Variants in GALK2 observed in about 807,000 individuals in gnomAD.
The protein encoded by GALK2 is N-acetylgalactosamine kinase.
A neutral mutation model predicts 52.4 loss-of-function variants in GALK2; 36 were observed. That is an observed-to-expected ratio of 0.69 (90% CI 0.53 to 0.91). GALK2 has a LOEUF of 0.91. Ranked by LOEUF, GALK2 falls within the 40% of genes least tolerant of loss-of-function variation. The pLI, the probability that GALK2 is intolerant of heterozygous loss-of-function variation, is 0.00. For synonymous variants in GALK2, 176 were observed against 199.1 expected (o/e 0.88, Z 0.98); for missense variants, 579 against 559.1 (o/e 1.04, Z -0.36).
intron 5 of GALK2, among the ~76,000 whole-genome samples, chr15:49,273,011 C>A (rs1309556471): frequency 6.6e-6 from 1 of 152,174 alleles, no homozygotes; most frequent in Non-Finnish European, 1.5e-5. Context: ...TTTAGAGCCC[C>A]ATGTCCCAAC....
At chr15:49,239,110 A>G in intron 4 of GALK2, 111 bp from the exon 5 acceptor site, 1 of 827,656 alleles carries the variant, frequency 1.2e-6, no homozygotes, top group Non-Finnish European at 1.9e-6. Context: ...AGTTTCTATA[A>G]CTATTATAAG....
chr15:49,335,336 CT>C, downstream of GALK2: 2 of 869,974 alleles, frequency 2.3e-6, no homozygotes, highest in Non-Finnish European at 3.7e-6. Flanking sequence ...CATTAAGGAA[CT>C]TAGTTTAGAT....
At chr15:49,210,326 TCTA>T (rs1321763721) in intron 2 of GALK2, among the ~76,000 whole-genome samples, 1 of 152,018 alleles carries the variant, frequency 6.6e-6, no homozygotes, top group Non-Finnish European at 1.5e-5. Flanking sequence ...TTTCTTTCCT[TCTA>T]CTAATTTTGG....
At chr15:49,288,033 A>G (rs1026189529) in intron 7 of GALK2, among the ~76,000 whole-genome samples, 1 of 152,238 alleles carries the variant, frequency 6.6e-6, no homozygotes, top group Non-Finnish European at 1.5e-5. Flanking sequence ...CATTTGACTA[A>G]AATTAAAAAT....
chr15:49,202,446 A>G (rs1334865965), intron 2 of GALK2, among the ~76,000 whole-genome samples: 1 of 152,208 alleles, frequency 6.6e-6, no homozygotes, highest in East Asian at 1.9e-4. Flanking sequence ...GAGTGAGAAC[A>G]TGAGGTATGT....
At chr15:49,215,997 A>G (rs1016823209) in intron 2 of GALK2, among the ~76,000 whole-genome samples, 2 of 152,208 alleles carry the variant, frequency 1.3e-5, no homozygotes, top group African/African-American at 4.8e-5. Flanking sequence ...TCTTCCTGAC[A>G]TCTAGAGGCA....
chr15:49,327,065 T>C (rs959363381), intron 9 of GALK2: 4 of 152,198 alleles, frequency 2.6e-5, no homozygotes, highest in African/African-American at 9.6e-5. Context: ...TCAGGATAAA[T>C]TGCATCTTTT....
chr15:49,190,517 A>G (rs947837204), intron 1 of GALK2, among the ~76,000 whole-genome samples: 1 of 152,184 alleles, frequency 6.6e-6, no homozygotes, highest in Non-Finnish European at 1.5e-5. Context: ...ACATATGTTC[A>G]TTTTATATGT....
intron 8 of GALK2, among the ~76,000 whole-genome samples, chr15:49,306,268 C>T (rs2035538611): frequency 6.6e-6 from 1 of 151,990 alleles, no homozygotes; most frequent in African/African-American, 2.4e-5. Context: ...CTTGCTTAAA[C>T]TGTTGACGTA....
In GALK2 at chr15:49,215,075, G is replaced by A. The variant is rs140006805; in HGVS notation, c.143-2115G>A. On this transcript the variant is annotated intron_variant, in intron 2 of 9. Transcript: ENST00000560031. Reference sequence around the variant, plus strand: ...CTCTCTTGGCCTCTAAGTTTCCTGCGGAGTTGTCTCCTACTAGACATATTG... The same window carrying A: ...CTCTCTTGGCCTCTAAGTTTCCTGCAGAGTTGTCTCCTACTAGACATATTG... 4.7e-3 allele frequency among the ~76,000 whole-genome samples: 715 copies of A among 152,156 alleles called. 4 individuals carry two copies. Among genetic ancestry groups the A allele is most frequent in the Non-Finnish European group, 7.2e-3 (493 of 68,010 alleles).
In GALK2 at chr15:49,235,107, G is replaced by A. The variant is rs118121185; in HGVS notation, c.267-744G>A. 1.8e-4 allele frequency among the ~76,000 whole-genome samples: 27 copies of A among 152,156 alleles called. No homozygotes were observed. The East Asian group carries it at 5.0e-3, about 28-fold the overall frequency. On this transcript the variant is annotated intron_variant, in intron 3 of 9. Transcript: ENST00000560031. The stretch of plus-strand genomic sequence containing the variant: ...CATTGTAGTTCATAAGTGTCTGGTG[G>A]GGAAATACTGTAAATATCTTGCTTC...
chr15:49,242,868 C>T (rs1253844587), intron 5 of GALK2, among the ~76,000 whole-genome samples: 2 of 152,180 alleles, frequency 1.3e-5, no homozygotes, highest in African/African-American at 4.8e-5. Flanking sequence ...AATTAATCTT[C>T]TTTTCTCAAA....
At chr15:49,159,161 C>A (rs1171595535) in intron 1 of GALK2, among the ~76,000 whole-genome samples, 3 of 152,282 alleles carry the variant, frequency 2.0e-5, no homozygotes, top group Middle Eastern at 3.4e-3. Context: ...GTGTAATAAT[C>A]CCTCGTTGAA....
intron 3 of GALK2, among the ~76,000 whole-genome samples, chr15:49,349,321 A>C (rs2041938114): frequency 1.3e-5 from 2 of 152,146 alleles, no homozygotes; most frequent in African/African-American, 4.8e-5. Context: ...TTTTCATTTT[A>C]AAACTCATCC....
intron 5 of GALK2, among the ~76,000 whole-genome samples, chr15:49,244,774 T>C (rs1394177022): frequency 1.3e-5 from 2 of 152,134 alleles, no homozygotes; most frequent in South Asian, 4.1e-4. Flanking sequence ...ACCCATAATA[T>C]CCAGCAGCTT....
At chr15:49,351,210 C>T (rs983047681) in intron 3 of GALK2, among the ~76,000 whole-genome samples, 4 of 152,106 alleles carry the variant, frequency 2.6e-5, no homozygotes, top group Non-Finnish European at 5.9e-5. Flanking sequence ...ATACACTGTG[C>T]TTCTATACAA....
intron 8 of GALK2, among the ~76,000 whole-genome samples, chr15:49,303,766 G>A (rs966455698): frequency 1.3e-5 from 2 of 152,090 alleles, no homozygotes; most frequent in African/African-American, 4.8e-5. Flanking sequence ...TGTAGTTCCT[G>A]TACATCTCCT....
At chr15:49,201,869 A>C (rs1386512043) in intron 2 of GALK2, among the ~76,000 whole-genome samples, 1 of 151,838 alleles carries the variant, frequency 6.6e-6, no homozygotes, top group African/African-American at 2.4e-5. Context: ...ATCTATTTCC[A>C]TTTTCTGCTG....
At chr15:49,274,691 T>C (rs776822455) in intron 5 of GALK2, among the ~76,000 whole-genome samples, 2 of 152,212 alleles carry the variant, frequency 1.3e-5, no homozygotes, top group Non-Finnish European at 2.9e-5. Flanking sequence ...CACAAACACA[T>C]TGTATAGCTG....
Sources: allele counts gnomAD v4.1 joint callset (sites outside exome capture counted in the v4.1 genomes callset), GRCh38; gene constraint gnomAD v4.1.1; transcripts MANE v1.5; gene names NCBI Gene and HGNC (gene_info 2026-07-23, HGNC 2026-07-21).